The following TNN variants were observed in gnomAD, a reference collection of about 807,000 sequenced individuals.
TNN encodes tenascin N.
A neutral mutation model predicts 134.4 loss-of-function variants in TNN; 122 were observed. The observed-to-expected ratio is 0.91, with a 90% CI of 0.78 to 1.06. TNN has a LOEUF of 1.06. TNN is among the 50% of genes least tolerant of loss of function. The pLI, the probability that TNN is intolerant of heterozygous loss-of-function variation, is 0.00. For synonymous variants in TNN, 710 were observed against 670.3 expected (o/e 1.06, Z -0.91); for missense variants, 1,739 against 1,699.4 (o/e 1.02, Z -0.41).
In TNN at chr1:175,080,160, C is replaced by T. The variant is rs766247357; in HGVS notation, c.785-3C>T. 4.3e-6 allele frequency: 7 copies of T among 1,613,440 alleles called. No homozygotes were observed. The East Asian group carries it at 1.1e-4, about 26-fold the overall frequency. On this transcript the variant is annotated splice_region_variant and splice_polypyrimidine_tract_variant and intron_variant, in intron 3 of 18. Transcript: ENST00000239462. ...CTCTGCCCTGTTCCTGTTCTGCCTG[C>T]AGTGGTCACCCCACAGGGCCTGCAG...
chr1:175,146,607 G>T (rs1038142511), intron 18 of TNN, among the ~76,000 whole-genome samples: 3 of 152,056 alleles, frequency 2.0e-5, no homozygotes, highest in African/African-American at 7.2e-5. Context: ...CGGCCCGGTT[G>T]ACCCCTGTGT....
At chr1:175,127,959 G>T (rs775057593) in intron 13 of TNN, 73 bp from the exon 14 acceptor site, 7 of 1,559,024 alleles carry the variant, frequency 4.5e-6, no homozygotes, top group Non-Finnish European at 6.2e-6. Flanking sequence ...ACCAGGGAAC[G>T]CTGTTGACAC....
At chr1:175,079,763 T>A in intron 3 of TNN, 56 bp downstream of exon 3, 1 of 1,516,830 alleles carries the variant, frequency 6.6e-7, no homozygotes, top group South Asian at 1.3e-5. Flanking sequence ...ATGCACCATT[T>A]AACCCTCAAT....
chr1:175,080,527 T>G, intron 4 of TNN, 101 bp downstream of exon 4: 1 of 1,382,198 alleles, frequency 7.2e-7, no homozygotes, highest in Non-Finnish European at 9.9e-7. Flanking sequence ...ATTAGGGGTT[T>G]GAAAAACACA....
chr1:175,079,926 C>A (rs1308666656), intron 3 of TNN, among the ~76,000 whole-genome samples: 2 of 151,874 alleles, frequency 1.3e-5, no homozygotes, highest in Non-Finnish European at 2.9e-5. Context: ...GAGGCCCTAA[C>A]CTTGAGGACC....
At chr1:175,094,867 C>T (rs1354004169) in intron 7 of TNN, among the ~76,000 whole-genome samples, 1 of 152,184 alleles carries the variant, frequency 6.6e-6, no homozygotes. Flanking sequence ...ATCCTGGTGC[C>T]CGCATGAGGT....
intron 17 of TNN, among the ~76,000 whole-genome samples, chr1:175,138,434 T>C (rs1675869577): frequency 6.6e-6 from 1 of 151,864 alleles, no homozygotes; most frequent in Non-Finnish European, 1.5e-5. Flanking sequence ...TAGGGGTGAA[T>C]GAAAGGTGAG....
At chr1:175,119,852 A>T (rs574174521) in intron 11 of TNN, among the ~76,000 whole-genome samples, 2 of 151,778 alleles carry the variant, frequency 1.3e-5, no homozygotes, top group African/African-American at 4.8e-5. Context: ...GTTAGCCAGG[A>T]TGGTCTCAAT....
intron 10 of TNN, among the ~76,000 whole-genome samples, chr1:175,117,554 G>A (rs1675218086): frequency 2.0e-5 from 3 of 152,128 alleles, no homozygotes; most frequent in Admixed American, 2.0e-4. Flanking sequence ...ATAGTATATT[G>A]AAAATTTGAC....
intron 1 of TNN, among the ~76,000 whole-genome samples, chr1:175,069,619 T>C (rs1021089047): frequency 3.3e-5 from 5 of 152,174 alleles, no homozygotes; most frequent in African/African-American, 1.2e-4. Context: ...GAGCCTTGGC[T>C]CCTATAGGAT....
In TNN at chr1:175,090,185, G is replaced by T. The variant is rs186774093; in HGVS notation, c.1325-3805G>T. Among the ~76,000 whole-genome samples the T allele has an allele frequency of 3.3e-3, 498 of 152,332 alleles. 4 individuals carry two copies. The highest frequency in any genetic ancestry group is 3.0e-3 in the Non-Finnish European group (204 of 68,030). ...AGTTTAGGAGACTCAGGGTGAGCTA[G>T]TGAACAGCTAGCTGGTACAACTTAG... On this transcript the variant is annotated intron_variant, in intron 6 of 18. Transcript: ENST00000239462.
intron 9 of TNN, among the ~76,000 whole-genome samples, chr1:175,110,043 C>A (rs1244737759): frequency 1.3e-5 from 2 of 152,064 alleles, no homozygotes; most frequent in Non-Finnish European, 2.9e-5. Flanking sequence ...TTGATAATAG[C>A]AGTTTTAACA....
At chr1:175,109,721 CA>C (rs1674972786) in intron 9 of TNN, among the ~76,000 whole-genome samples, 1 of 148,898 alleles carries the variant, frequency 6.7e-6, no homozygotes, top group Non-Finnish European at 1.5e-5. Context: ...TACACACATA[CA>C]TATATATATA....
intron 4 of TNN, among the ~76,000 whole-genome samples, chr1:175,082,390 A>G (rs552356220): frequency 1.0e-3 from 155 of 152,322 alleles, no homozygotes; most frequent in Middle Eastern, 3.4e-3. Flanking sequence ...CATCCCCACC[A>G]TAATCGTGAA....
At chr1:175,102,012 C>T (rs1026436281) in intron 9 of TNN, among the ~76,000 whole-genome samples, 2 of 145,228 alleles carry the variant, frequency 1.4e-5, no homozygotes, top group African/African-American at 5.0e-5. Flanking sequence ...GGTGCACTCA[C>T]AAACCTTGAG....
chr1:175,071,187 G>T (rs1297553961), intron 1 of TNN, among the ~76,000 whole-genome samples: 1 of 152,210 alleles, frequency 6.6e-6, no homozygotes, highest in Non-Finnish European at 1.5e-5. Flanking sequence ...ACCAGAGAAA[G>T]CCCTGAATTT....
Position 175,123,902 on chromosome 1 carries a change from G to A in TNN, c.2914+239G>A, listed in dbSNP as rs147427599. Among the ~76,000 whole-genome samples the A allele has an allele frequency of 2.0e-3, 299 of 152,228 alleles. 3 individuals are homozygous for A. Among genetic ancestry groups the A allele is most frequent in the Middle Eastern group, 6.8e-3 (2 of 294 alleles). Reference sequence around the variant, plus strand: ...GGTGGCCTCCCTCACCCCTCCACCCGGCCCAGCGCTCAGAATCTCCACACT... The same window carrying A: ...GGTGGCCTCCCTCACCCCTCCACCCAGCCCAGCGCTCAGAATCTCCACACT... On this transcript the variant is annotated intron_variant, in intron 12 of 18. Coordinates refer to ENST00000239462, the MANE Select transcript of TNN (RefSeq NM_022093.2).
intron 9 of TNN, among the ~76,000 whole-genome samples, chr1:175,109,244 GCGCCCGGC>G (rs1674955905): frequency 6.8e-6 from 1 of 146,484 alleles, no homozygotes; most frequent in African/African-American, 2.6e-5. Context: ...GCCCGCCACC[GCGCCCGGC>G]TAATTTTTTG....
chr1:175,133,682 C>G (rs1218422113), intron 15 of TNN, among the ~76,000 whole-genome samples: 1 of 152,218 alleles, frequency 6.6e-6, no homozygotes, highest in East Asian at 1.9e-4. Flanking sequence ...CCTACGTGAT[C>G]TCAGCTTTTC....
Sources: gnomAD v4.1 joint callset for allele counts (sites outside exome capture counted in the v4.1 genomes callset) on GRCh38, gnomAD v4.1.1 for gene constraint, MANE v1.5 for transcripts, NCBI Gene and HGNC (gene_info 2026-07-23, HGNC 2026-07-21) for gene names.